ABR: variants seen among roughly 807,000 people sequenced by gnomAD.
ABR encodes ABR activator of RhoGEF and GTPase, also known as active breakpoint cluster region-related protein.
Under a neutral mutation model 107.2 loss-of-function variants are expected in ABR, and 35 were observed. The ratio of observed to expected loss-of-function variants is 0.33; its 90% CI spans 0.25 to 0.43. The LOEUF (loss-of-function observed/expected upper bound fraction) is 0.43. Ranked by LOEUF, ABR falls within the 20% of genes least tolerant of loss-of-function variation. The probability of loss-of-function intolerance (pLI) is 1.00; values close to 1 mark genes in which losing one functional copy is unlikely to be tolerated. For missense variants in ABR, 815 were observed against 1,115.2 expected (o/e 0.73, Z 3.83); for synonymous variants, 498 against 462.0 (o/e 1.08, Z -1.00).
At chr17:1,132,886 TAAC>T (rs1433180361) in intron 1 of ABR, among the ~76,000 whole-genome samples, 1 of 152,154 alleles carries the variant, frequency 6.6e-6, no homozygotes, top group Non-Finnish European at 1.5e-5. Context: ...AAGATAATAA[TAAC>T]AATATCCAGA....
At chr17:1,060,174 G>T (rs1951812500) in intron 10 of ABR, among the ~76,000 whole-genome samples, 1 of 152,230 alleles carries the variant, frequency 6.6e-6, no homozygotes, top group South Asian at 2.1e-4. Context: ...ACTTTGGGAG[G>T]CCGAGGTGGG....
chr17:1,163,354 A>T (rs1423684828), intron 1 of ABR, among the ~76,000 whole-genome samples: 1 of 152,228 alleles, frequency 6.6e-6, no homozygotes, highest in East Asian at 1.9e-4. Flanking sequence ...ACAATTCCAT[A>T]GAAACTTTTC....
At chr17:1,211,547 A>G (rs1311197409) in intron 1 of ABR, among the ~76,000 whole-genome samples, 3 of 152,172 alleles carry the variant, frequency 2.0e-5, no homozygotes, top group East Asian at 3.9e-4. Flanking sequence ...TTTTTTTACC[A>G]TAGATTTCCT....
intron 16 of ABR, among the ~76,000 whole-genome samples, chr17:1,018,302 A>G (rs1352589262): frequency 1.3e-5 from 2 of 152,142 alleles, no homozygotes; most frequent in Admixed American, 1.3e-4. Context: ...TCGGCCTCCC[A>G]AAGTGCTGGG....
rs193201043 is a variant in ABR at position 1,179,904 on chromosome 17, A to C, written c.-177T>G. On this transcript the variant is annotated 5_prime_UTR_variant, in exon 1 of 23. Coordinates refer to ENST00000302538, the MANE Select transcript of ABR (RefSeq NM_021962.5). This position sits in a 1 kb window ranked among gnomAD's most constrained non-coding sequence, Gnocchi z 4.9. The stretch of plus-strand genomic sequence containing the variant: ...GGGGCAGGGGCGAGGGCGGGGCGGG[A>C]GCCCCCAAAACCCTCCCGAACCCTC... 0.074 allele frequency: 36,786 copies of C among 496,610 alleles called. 2,542 individuals carry two copies. The highest frequency in any genetic ancestry group is 0.28 in the African/African-American group (13,089 of 47,136). 30.8% of individuals were successfully genotyped at this position (496,610 alleles called of 1,614,324 possible). A position where few individuals can be genotyped will look rare whatever the true frequency, so the allele number is the denominator to read the frequency against.
At chr17:1,056,209 G>A in intron 13 of ABR, 100 bp from the exon 14 acceptor site, 1 of 1,054,900 alleles carries the variant, frequency 9.5e-7, no homozygotes, top group Non-Finnish European at 1.5e-6. Context: ...AGACTCAGCT[G>A]AGTCTTGGTC....
At chr17:1,023,191 G>A (rs999630263) in intron 16 of ABR, among the ~76,000 whole-genome samples, 4 of 149,824 alleles carry the variant, frequency 2.7e-5, no homozygotes, top group African/African-American at 7.4e-5. Flanking sequence ...CGCCTCTGCC[G>A]GCCCCACGTC....
chr17:1,217,407 T>C (rs746050005), intron 1 of ABR, among the ~76,000 whole-genome samples: 1 of 152,202 alleles, frequency 6.6e-6, no homozygotes, highest in Non-Finnish European at 1.5e-5. Context: ...GCAAGAAGCA[T>C]GGCCAAACTA....
At chr17:1,034,980 G>C (rs1028076729) in intron 16 of ABR, among the ~76,000 whole-genome samples, 1 of 152,036 alleles carries the variant, frequency 6.6e-6, no homozygotes, top group African/African-American at 2.4e-5. Context: ...ATGAACGATG[G>C]CCAGCTGGTC....
chr17:1,095,991 G>T (rs1021935765), intron 3 of ABR, among the ~76,000 whole-genome samples: 1 of 152,224 alleles, frequency 6.6e-6, no homozygotes, highest in African/African-American at 2.4e-5. Flanking sequence ...GGTGGGAGGG[G>T]CTCTGGGGAG....
chr17:1,067,251 G>A lies in ABR; in HGVS notation c.1017-9C>T, dbSNP rs767352005. ...CATACTGCTGGTGCTTCCTGCAAACGAGCCAGAGGGAGCCATGAGCCAGAG... is the reference window on the plus strand; with the variant it reads ...CATACTGCTGGTGCTTCCTGCAAACAAGCCAGAGGGAGCCATGAGCCAGAG... On this transcript the variant is annotated splice_polypyrimidine_tract_variant and intron_variant, in intron 9 of 22. Transcript: ENST00000302538. 6.4e-6 allele frequency: 10 copies of A among 1,561,846 alleles called. No homozygotes were observed. Among genetic ancestry groups the A allele is most frequent in the South Asian group, 3.7e-5 (3 of 81,454 alleles).
At chr17:1,089,917 G>A (rs148018860) in intron 4 of ABR, among the ~76,000 whole-genome samples, 10 of 152,276 alleles carry the variant, frequency 6.6e-5, no homozygotes, top group East Asian at 1.9e-4. Flanking sequence ...CCGAGATCAC[G>A]CCACTGCACT....
chr17:1,181,334 C>G (rs920343374), upstream of ABR, among the ~76,000 whole-genome samples: 3 of 152,228 alleles, frequency 2.0e-5, no homozygotes, highest in African/African-American at 7.2e-5. Flanking sequence ...ACCCACTCAT[C>G]ACAGGCTGGG....
intron 10 of ABR, among the ~76,000 whole-genome samples, chr17:1,059,287 T>C (rs2033671964): frequency 1.3e-5 from 2 of 152,172 alleles, no homozygotes; most frequent in Non-Finnish European, 2.9e-5. Context: ...CCCTGCCCTG[T>C]TTCTCCACAG....
At chr17:1,214,745 G>A (rs1482762830) in intron 1 of ABR, among the ~76,000 whole-genome samples, 5 of 152,048 alleles carry the variant, frequency 3.3e-5, no homozygotes, top group African/African-American at 1.2e-4. Flanking sequence ...ATGTTGCAGC[G>A]AGCCAAGATC....
intron 1 of ABR, among the ~76,000 whole-genome samples, chr17:1,138,344 A>C (rs943448870): frequency 6.6e-6 from 1 of 152,172 alleles, no homozygotes; most frequent in Non-Finnish European, 1.5e-5. Context: ...GCAGGAAGCA[A>C]CTTTCCAGGA....
At chr17:1,193,637 A>C (rs2042484740) in intron 1 of ABR, among the ~76,000 whole-genome samples, 1 of 152,168 alleles carries the variant, frequency 6.6e-6, no homozygotes, top group African/African-American at 2.4e-5. Context: ...GCCAGGGAGT[A>C]CTGGCAACTG....
chr17:1,198,321 C>T (rs2042608630), intron 1 of ABR, among the ~76,000 whole-genome samples: 1 of 151,588 alleles, frequency 6.6e-6, no homozygotes, highest in Non-Finnish European at 1.5e-5. Flanking sequence ...GGCCGAGCTG[C>T]TGCTGATTTT....
rs143549153 is a variant in ABR, at chr17:1,125,231, G to T, written c.198C>A (p.Gly66=). ...GAGTCGGGGAGACGCCATCCCCCCC[G>T]CCCTGGCTGCGGGCGCTGAGCTGCG... The part of the protein sequence containing the change: ...MSPQLSARSQ[G]GGDGVSPTPP... The change falls in exon 2 of 23, where the codon GGC becomes GGA. Residue 66 remains glycine (G), a synonymous_variant. Transcript: ENST00000302538. The T allele has an allele frequency of 8.7e-6, 14 of 1,609,688 alleles. No individual in the cohort carries two copies. Among genetic ancestry groups the T allele is most frequent in the Non-Finnish European group, 1.0e-5 (12 of 1,177,498 alleles).
Sources: allele counts gnomAD v4.1 joint callset (sites outside exome capture counted in the v4.1 genomes callset), GRCh38; gene constraint gnomAD v4.1.1; non-coding constraint Gnocchi (gnomAD v3.1); transcripts MANE v1.5; gene names NCBI Gene and HGNC (gene_info 2026-07-23, HGNC 2026-07-21).